PLD1: variants seen among roughly 807,000 people sequenced by gnomAD.
The protein encoded by PLD1 is choline phosphatase 1.
Under a neutral mutation model 137.1 loss-of-function variants are expected in PLD1, and 112 were observed. That is an observed-to-expected ratio of 0.82 (90% CI 0.70 to 0.96). The LOEUF (loss-of-function observed/expected upper bound fraction) is 0.96. Ranked by LOEUF, PLD1 falls within the 40% of genes least tolerant of loss-of-function variation. PLD1 has a pLI of 0.00. For missense variants in PLD1, 1,321 were observed against 1,342.0 expected, an observed-to-expected ratio of 0.98 and a Z score of 0.24; for synonymous variants, 431 against 454.7, an observed-to-expected ratio of 0.95 and a Z score of 0.66.
chr3:171,671,021 C>T (rs1353980256), intron 19 of PLD1, among the ~76,000 whole-genome samples: 3 of 152,148 alleles, frequency 2.0e-5, no homozygotes, highest in African/African-American at 7.2e-5. Flanking sequence ...TGAAGGGACT[C>T]AGATCAGATT....
At chr3:171,620,736 C>CTA (rs1433344875) in intron 23 of PLD1, among the ~76,000 whole-genome samples, 7 of 76,944 alleles carry the variant, frequency 9.1e-5, no homozygotes, top group Admixed American at 5.2e-4. Flanking sequence ...CTCTCTCTCT[C>CTA]TCTCTCTATA....
Position 171,602,989 on chromosome 3 carries a change from G to T in PLD1, c.*89C>A. 1 of 925,410 alleles carries T rather than the reference G, an allele frequency of 1.1e-6. No individual in the cohort carries two copies. The highest frequency in any genetic ancestry group is 1.7e-6 in the Non-Finnish European group (1 of 580,146). The allele number at this position is 925,410 out of a possible 1,614,324, so 57.3% of individuals were successfully genotyped here. A position where few individuals can be genotyped will look rare whatever the true frequency, so the allele number is the denominator to read the frequency against. ...TGGGTTGGATACGAGAATGCGTCAG[G>T]CCTGGCTTTGGCTATGACATCCCCA... is the stretch of plus-strand genomic sequence containing the variant. On this transcript the variant is annotated 3_prime_UTR_variant, in exon 27 of 27. Coordinates refer to ENST00000351298, the MANE Select transcript of PLD1 (RefSeq NM_002662.5).
chr3:171,754,172 G>A (rs1720856122), intron 1 of PLD1, among the ~76,000 whole-genome samples: 1 of 152,164 alleles, frequency 6.6e-6, no homozygotes, highest in African/African-American at 2.4e-5. Flanking sequence ...TCTGAAGGGA[G>A]AGGCTGTCTC....
chr3:171,670,386 T>A (rs1712624106), intron 19 of PLD1, among the ~76,000 whole-genome samples: 1 of 152,076 alleles, frequency 6.6e-6, no homozygotes, highest in Non-Finnish European at 1.5e-5. Context: ...AATATAAAGC[T>A]GAGAACAGGT....
chr3:171,794,820 A>G (rs926123670), intron 1 of PLD1, among the ~76,000 whole-genome samples: 17 of 152,322 alleles, frequency 1.1e-4, no homozygotes, highest in South Asian at 4.2e-4. Flanking sequence ...TCTTTCATCA[A>G]TTGTAACCAT....
chr3:171,613,457 G>A (rs909811755), intron 24 of PLD1, among the ~76,000 whole-genome samples: 1 of 152,158 alleles, frequency 6.6e-6, no homozygotes, highest in Admixed American at 6.5e-5. Flanking sequence ...CAGGCTCTCT[G>A]TAGGCTTTAA....
chr3:171,804,157 T>C (rs1370866089), intron 1 of PLD1, among the ~76,000 whole-genome samples: 2 of 152,172 alleles, frequency 1.3e-5, no homozygotes, highest in African/African-American at 4.8e-5. Flanking sequence ...CCTACACATC[T>C]GGAAATGTTT....
chr3:171,706,454 CAGTT>C (rs1324084267), intron 11 of PLD1, among the ~76,000 whole-genome samples: 3 of 152,104 alleles, frequency 2.0e-5, no homozygotes, highest in East Asian at 3.9e-4. Context: ...GTTTGTGAGT[CAGTT>C]AGTAATGCAA....
At chr3:171,731,238 G>T (rs914635632) in intron 6 of PLD1, among the ~76,000 whole-genome samples, 3 of 151,986 alleles carry the variant, frequency 2.0e-5, no homozygotes, top group Non-Finnish European at 4.4e-5. Flanking sequence ...CTTTTAATAT[G>T]CTTTTTACAG....
chr3:171,806,999 C>A (rs1723873567), intron 1 of PLD1, among the ~76,000 whole-genome samples: 1 of 152,108 alleles, frequency 6.6e-6, no homozygotes, highest in South Asian at 2.1e-4. Flanking sequence ...GGCTTTTTAC[C>A]TTTTCTCTTT....
At chr3:171,660,450 C>T (rs1242803055) in intron 20 of PLD1, among the ~76,000 whole-genome samples, 2 of 152,102 alleles carry the variant, frequency 1.3e-5, no homozygotes, top group Non-Finnish European at 2.9e-5. Context: ...CTTTACTTCT[C>T]CTTTTTTGGA....
At chr3:171,645,346 G>C (rs1028619672) in intron 21 of PLD1, among the ~76,000 whole-genome samples, 1 of 152,138 alleles carries the variant, frequency 6.6e-6, no homozygotes. Flanking sequence ...GGAAAGAGGC[G>C]GGTAGGGGAG....
Position 171,602,841 on chromosome 3 carries a change from C to T in PLD1, c.*237G>A, listed in dbSNP as rs935180530. 9.1e-6 allele frequency: 5 copies of T among 548,350 alleles called. No homozygotes were observed. The highest frequency in any genetic ancestry group is 1.6e-5 in the Non-Finnish European group (5 of 307,102). 34.0% of individuals were successfully genotyped at this position (548,350 alleles called of 1,614,324 possible). On this transcript the variant is annotated 3_prime_UTR_variant, in exon 27 of 27. Coordinates refer to ENST00000351298, the MANE Select transcript of PLD1 (RefSeq NM_002662.5). Reference sequence around the variant, plus strand: ...TGTGTTTTACTCAACAGAGTACATGCTACCAACAAGAATGCAGCCCCCTTT... The same window carrying T: ...TGTGTTTTACTCAACAGAGTACATGTTACCAACAAGAATGCAGCCCCCTTT...
intron 25 of PLD1, among the ~76,000 whole-genome samples, chr3:171,606,876 A>T (rs416158): frequency 0.86 from 130,809 of 152,208 alleles, 56,659 homozygotes; most frequent in African/African-American, 0.94. Context: ...ATTATTTCAT[A>T]AGAAGAAATT....
At chr3:171,762,311 T>C (rs977371471) in intron 1 of PLD1, among the ~76,000 whole-genome samples, 1 of 152,258 alleles carries the variant, frequency 6.6e-6, no homozygotes, top group African/African-American at 2.4e-5. Context: ...ACACATTTTA[T>C]ATCCAAAAAC....
At chr3:171,614,655 C>T (rs536215341) in intron 24 of PLD1, among the ~76,000 whole-genome samples, 2 of 152,350 alleles carry the variant, frequency 1.3e-5, no homozygotes, top group East Asian at 3.9e-4. Context: ...CATGTGTGAA[C>T]TGTAGGAGCT....
intron 1 of PLD1, among the ~76,000 whole-genome samples, chr3:171,775,685 A>C (rs1204277259): frequency 6.6e-6 from 1 of 152,106 alleles, no homozygotes; most frequent in African/African-American, 2.4e-5. Context: ...TCTACTAAAA[A>C]TACAAAAATT....
At chr3:171,694,001 A>C (rs1268916057) in intron 12 of PLD1, among the ~76,000 whole-genome samples, 1 of 152,230 alleles carries the variant, frequency 6.6e-6, no homozygotes, top group African/African-American at 2.4e-5. Flanking sequence ...AAAATCTTAG[A>C]GCAAACCAAA....
chr3:171,608,227 C>G (rs1203524836), intron 25 of PLD1, among the ~76,000 whole-genome samples: 1 of 152,078 alleles, frequency 6.6e-6, no homozygotes, highest in African/African-American at 2.4e-5. Context: ...GAATAATCTT[C>G]CTCCCCACCA....
Sources: gnomAD v4.1 joint callset for allele counts (sites outside exome capture counted in the v4.1 genomes callset) on GRCh38, gnomAD v4.1.1 for gene constraint, MANE v1.5 for transcripts, NCBI Gene and HGNC (gene_info 2026-07-23, HGNC 2026-07-21) for gene names.